TMEM132D: variants seen among roughly 807,000 people sequenced by gnomAD.
The protein encoded by TMEM132D is transmembrane protein 132D.
A neutral mutation model predicts 62.3 loss-of-function variants in TMEM132D; 21 were observed. That is an observed-to-expected ratio of 0.34 (90% CI 0.24 to 0.49). The LOEUF (loss-of-function observed/expected upper bound fraction) is 0.49, where lower values mean the gene tolerates loss of function less well. Ranked by LOEUF, TMEM132D falls within the 20% of genes least tolerant of loss-of-function variation. TMEM132D has a pLI of 0.99. For missense variants in TMEM132D, 1,346 were observed against 1,402.8 expected, an observed-to-expected ratio of 0.96 and a Z score of 0.65; for synonymous variants, 621 against 575.6, an observed-to-expected ratio of 1.08 and a Z score of -1.13.
At chr12:129,796,063 G>A (rs116242398) in intron 1 of TMEM132D, among the ~76,000 whole-genome samples, 2,226 of 152,094 alleles carry the variant, frequency 0.015, 60 homozygotes, top group African/African-American at 0.051. Context: ...GGCCAGGTGC[G>A]GTGGCTCACA....
chr12:129,518,033 T>C (rs1389063731), intron 3 of TMEM132D, among the ~76,000 whole-genome samples: 5 of 152,164 alleles, frequency 3.3e-5, no homozygotes, highest in African/African-American at 7.2e-5. Context: ...CAAAAATGTA[T>C]TGATGAATAT....
Position 129,122,007 on chromosome 12 carries a change from G to A in TMEM132D, c.1444-37305C>T, listed in dbSNP as rs540711064. 7.2e-5 allele frequency among the ~76,000 whole-genome samples: 11 copies of A among 152,302 alleles called. No individual in the cohort carries two copies. In the East Asian group the frequency reaches 7.7e-4, roughly 11 times the overall value. On this transcript the variant is annotated intron_variant, in intron 5 of 8. Coordinates refer to ENST00000422113, the MANE Select transcript of TMEM132D (RefSeq NM_133448.3). The stretch of plus-strand genomic sequence containing the variant: ...ATGGATGGCAGGCTCATGGAAGCCC[G>A]CCGATTCTGGCCCTGTTCTTCCGAG...
chr12:129,573,216 T>A (rs374762810), intron 2 of TMEM132D, among the ~76,000 whole-genome samples: 1 of 152,000 alleles, frequency 6.6e-6, no homozygotes, highest in African/African-American at 2.4e-5. Context: ...ACTGTGAGGA[T>A]GGTTGTGGGC....
rs575446101 is a variant in TMEM132D, at chr12:129,163,751, T to C, written c.1443+45769A>G. ...CCCTGGGTGCTTCCCCATCCCGGCA[T>C]ATCCTCTGAAAATGCCCCTTCCTTC... On this transcript the variant is annotated intron_variant, in intron 5 of 8. Coordinates refer to ENST00000422113, the MANE Select transcript of TMEM132D (RefSeq NM_133448.3). Among the ~76,000 whole-genome samples the C allele has an allele frequency of 1.9e-3, 289 of 152,352 alleles. 1 individual carries two copies. The highest frequency in any genetic ancestry group is 3.4e-3 in the Non-Finnish European group (229 of 68,028).
intron 1 of TMEM132D, among the ~76,000 whole-genome samples, chr12:129,712,341 G>C (rs540212902): frequency 2.0e-5 from 3 of 152,208 alleles, no homozygotes; most frequent in South Asian, 4.1e-4. Flanking sequence ...AGCCAGGATG[G>C]TCTCGATCTC....
intron 5 of TMEM132D, chr12:129,085,607 T>A (rs1193439939): frequency 2.0e-5 from 3 of 152,254 alleles, no homozygotes; most frequent in Non-Finnish European, 4.4e-5. Flanking sequence ...AACATGCGGA[T>A]TCCTTTCATC....
At chr12:129,546,349 T>C (rs997184210) in intron 2 of TMEM132D, among the ~76,000 whole-genome samples, 2 of 152,240 alleles carry the variant, frequency 1.3e-5, no homozygotes, top group African/African-American at 2.4e-5. Context: ...TGAAATGCTA[T>C]TGAAAATACA....
intron 2 of TMEM132D, among the ~76,000 whole-genome samples, chr12:129,632,821 C>T (rs1221472172): frequency 2.6e-5 from 4 of 152,200 alleles, no homozygotes; most frequent in Non-Finnish European, 5.9e-5. Context: ...TACCTGAAGT[C>T]ACTAACTATT....
intron 4 of TMEM132D, among the ~76,000 whole-genome samples, chr12:129,318,411 C>G (rs552263735): frequency 6.0e-4 from 91 of 152,270 alleles, no homozygotes; most frequent in Non-Finnish European, 7.9e-4. Flanking sequence ...ATTATTGTCT[C>G]TCTTCTGAGT....
At position 129,389,500 on chromosome 12, in the gene TMEM132D, T is replaced by C. The variant is rs1249573562; in HGVS notation, c.1116-51683A>G. 4.0e-5 allele frequency among the ~76,000 whole-genome samples: 6 copies of C among 151,756 alleles called. No individual in the cohort carries two copies. In the East Asian group the frequency reaches 1.2e-3, roughly 29 times the overall value. ...CCAACACTAACACCAACACAAATGCTATGTCCCAACACTAACACTAACTCC... is the reference window on the plus strand; with the variant it reads ...CCAACACTAACACCAACACAAATGCCATGTCCCAACACTAACACTAACTCC... On this transcript the variant is annotated intron_variant, in intron 3 of 8. Transcript: ENST00000422113.
chr12:129,346,743 C>A (rs541340475), intron 3 of TMEM132D, among the ~76,000 whole-genome samples: 48 of 152,106 alleles, frequency 3.2e-4, no homozygotes, highest in Non-Finnish European at 5.9e-4. Context: ...AAAGCATATT[C>A]AAATAGGAAG....
At chr12:129,101,779 G>A (rs756876872) in intron 5 of TMEM132D, among the ~76,000 whole-genome samples, 3 of 152,136 alleles carry the variant, frequency 2.0e-5, no homozygotes, top group Non-Finnish European at 4.4e-5. Context: ...AATGGCATTT[G>A]TACTGATAGT....
At chr12:129,437,630 T>C (rs75648489) in intron 3 of TMEM132D, among the ~76,000 whole-genome samples, 4,794 of 152,256 alleles carry the variant, frequency 0.031, 110 homozygotes, top group Middle Eastern at 0.051. Context: ...ATAACCACTT[T>C]GGAAAAGTGT....
At chr12:129,659,064 C>T (rs1332784250) in intron 2 of TMEM132D, among the ~76,000 whole-genome samples, 1 of 140,690 alleles carries the variant, frequency 7.1e-6, no homozygotes, top group Admixed American at 6.9e-5. Flanking sequence ...CAATACATGG[C>T]TAATTTTTTT....
intron 4 of TMEM132D, among the ~76,000 whole-genome samples, chr12:129,226,006 G>GT (rs1879471263): frequency 1.3e-5 from 2 of 152,184 alleles, no homozygotes; most frequent in Non-Finnish European, 2.9e-5. Flanking sequence ...ACAATAATGT[G>GT]TCAATGCTGA....
intron 1 of TMEM132D, among the ~76,000 whole-genome samples, chr12:129,730,389 A>G (rs2044928): frequency 0.14 from 22,002 of 152,116 alleles, 1,728 homozygotes; most frequent in South Asian, 0.25. Context: ...CTCCAGGGGT[A>G]TGCTCCCTGA....
intron 2 of TMEM132D, among the ~76,000 whole-genome samples, chr12:129,561,283 A>G (rs996697759): frequency 6.6e-6 from 1 of 152,178 alleles, no homozygotes; most frequent in Non-Finnish European, 1.5e-5. Context: ...CCAATATGAG[A>G]GCTATGCATA....
At chr12:129,623,163 C>A (rs183407212) in intron 2 of TMEM132D, among the ~76,000 whole-genome samples, 2 of 152,134 alleles carry the variant, frequency 1.3e-5, no homozygotes, top group Non-Finnish European at 2.9e-5. Context: ...TTAAACCAGT[C>A]GGATTTGAGT....
At chr12:129,106,165 G>T (rs1323433741) in intron 5 of TMEM132D, among the ~76,000 whole-genome samples, 1 of 150,738 alleles carries the variant, frequency 6.6e-6, no homozygotes, top group East Asian at 2.0e-4. Context: ...ACTATCGTAA[G>T]AACAAAAAAC....
Sources: allele counts gnomAD v4.1 joint callset (sites outside exome capture counted in the v4.1 genomes callset), GRCh38; gene constraint gnomAD v4.1.1; transcripts MANE v1.5; gene names NCBI Gene and HGNC (gene_info 2026-07-23, HGNC 2026-07-21).